Variants in CACNA1C observed in about 807,000 individuals in gnomAD.
CACNA1C encodes calcium voltage-gated channel subunit alpha1 C.
In CACNA1C, 30 loss-of-function variants were observed where a neutral mutation model predicts 229.0. That is an observed-to-expected ratio of 0.13 (90% CI 0.10 to 0.18). The LOEUF is 0.18. CACNA1C is among the 10% of genes least tolerant of loss of function. The pLI, the probability that CACNA1C is intolerant of heterozygous loss-of-function variation, is 1.00. For synonymous variants in CACNA1C, 1,114 were observed against 1,132.5 expected (o/e 0.98, Z 0.33); for missense variants, 1,658 against 2,845.0 (o/e 0.58, Z 9.49).
intron 3 of CACNA1C, among the ~76,000 whole-genome samples, chr12:2,205,453 A>G (rs1196397916): frequency 6.6e-6 from 1 of 152,210 alleles, no homozygotes; most frequent in Non-Finnish European, 1.5e-5. Context: ...CTCCTATTCT[A>G]AATCACCTTA....
intron 1 of CACNA1C, among the ~76,000 whole-genome samples, chr12:2,081,464 G>A (rs1189928044): frequency 1.3e-5 from 2 of 152,058 alleles, no homozygotes; most frequent in East Asian, 1.9e-4. Flanking sequence ...CCCGCTACTC[G>A]GGAGGCTGAG....
At chr12:2,182,029 C>T (rs2096855458) in intron 3 of CACNA1C, among the ~76,000 whole-genome samples, 1 of 150,694 alleles carries the variant, frequency 6.6e-6, no homozygotes, top group South Asian at 2.1e-4. Context: ...TTCTCCATCC[C>T]TGAAAGCATT....
chr12:2,105,573 G>A (rs1472700261), intron 1 of CACNA1C, among the ~76,000 whole-genome samples: 3 of 151,658 alleles, frequency 2.0e-5, no homozygotes, highest in Non-Finnish European at 4.4e-5. Context: ...AAACCACTGG[G>A]CGCCCACCCC....
chr12:2,480,897 C>G (rs1045777971), intron 5 of CACNA1C, among the ~76,000 whole-genome samples: 5 of 152,328 alleles, frequency 3.3e-5, no homozygotes, highest in Admixed American at 6.5e-5. Flanking sequence ...TGGAATCTAA[C>G]GTTGGCAATG....
Position 2,605,819 on chromosome 12 carries a change from C to T in CACNA1C, c.3156+33C>T. 1 of 1,370,608 alleles carries T rather than the reference C, an allele frequency of 7.3e-7. No individual in the cohort carries two copies. The highest frequency in any genetic ancestry group is 1.7e-5 in the Admixed American group (1 of 59,616). The allele number at this position is 1,370,608 out of a possible 1,614,324, so 84.9% of individuals were successfully genotyped here. A position where few individuals can be genotyped will look rare whatever the true frequency, so the allele number is the denominator to read the frequency against. ...CTGGGCTCCGTTGTGGTCCTCCTAC[C>T]TCCCCTCCCATCAGCATTCCTGGGG... is the stretch of plus-strand genomic sequence containing the variant. On this transcript the variant is annotated intron_variant, in intron 24 of 46. Transcript: ENST00000399655. The surrounding 1 kb of genome is among the most constrained non-coding windows in gnomAD (Gnocchi z 6.2).
intron 1 of CACNA1C, among the ~76,000 whole-genome samples, chr12:2,101,700 C>T (rs2076477472): frequency 6.6e-6 from 1 of 152,144 alleles, no homozygotes; most frequent in African/African-American, 2.4e-5. Flanking sequence ...CCGCCCAGTT[C>T]AGTGGGTGAC....
intron 45 of CACNA1C, 132 bp downstream of exon 45, chr12:2,686,401 T>C (rs2097493278): frequency 1.3e-6 from 1 of 788,598 alleles, no homozygotes; most frequent in Admixed American, 1.8e-5. Flanking sequence ...GCCCCTGCCC[T>C]AAGAGCCATC....
rs2095841329 is a variant in CACNA1C, at chr12:2,319,134, A to C, written c.478-129842A>C. 6.6e-6 allele frequency among the ~76,000 whole-genome samples: 1 copy of C among 151,544 alleles called. No individual in the cohort carries two copies. Among genetic ancestry groups the C allele is most frequent in the South Asian group, 2.1e-4 (1 of 4,792 alleles). Reference sequence around the variant, plus strand: ...CATCGGCTCCTTTTCCTACCCCATCACCTACCTGTCACCTGTCCTGGGCAG... The same window carrying C: ...CATCGGCTCCTTTTCCTACCCCATCCCCTACCTGTCACCTGTCCTGGGCAG... On this transcript the variant is annotated intron_variant, in intron 3 of 46. Coordinates refer to ENST00000399655, the MANE Select transcript of CACNA1C (RefSeq NM_000719.7). This position sits in a 1 kb window ranked among gnomAD's most constrained non-coding sequence, Gnocchi z 4.0.
upstream of CACNA1C, chr12:2,048,340 C>T (rs2051442688): frequency 6.6e-6 from 1 of 152,200 alleles, no homozygotes; most frequent in South Asian, 2.1e-4. Flanking sequence ...TCAGAAGGCA[C>T]ATTTAAGCTG....
Position 2,654,043 on chromosome 12 carries a change from G to A in CACNA1C, c.4140+143G>A. The A allele has an allele frequency of 1.5e-6, 1 of 680,004 alleles. No individual in the cohort carries two copies. Among genetic ancestry groups the A allele is most frequent in the South Asian group, 1.8e-5 (1 of 54,616 alleles). The allele number at this position is 680,004 out of a possible 1,614,324, so 42.1% of individuals were successfully genotyped here. A position where few individuals can be genotyped will look rare whatever the true frequency, so the allele number is the denominator to read the frequency against. On this transcript the variant is annotated intron_variant, in intron 33 of 46. Coordinates refer to ENST00000399655, the MANE Select transcript of CACNA1C (RefSeq NM_000719.7). The surrounding 1 kb of genome is among the most constrained non-coding windows in gnomAD (Gnocchi z 4.4). ...TCTCCCTCCTCTTCCATTTTCTGAG[G>A]CCCAAAAAGCCACAGGAATTGGAAC... is the stretch of plus-strand genomic sequence containing the variant.
intron 3 of CACNA1C, among the ~76,000 whole-genome samples, chr12:2,141,740 A>G (rs1396066274): frequency 3.3e-5 from 5 of 151,352 alleles, no homozygotes; most frequent in Non-Finnish European, 5.9e-5. Context: ...CTCAGGGGAA[A>G]GGAGCGTGGA....
intron 3 of CACNA1C, among the ~76,000 whole-genome samples, chr12:2,142,164 A>G (rs947271454): frequency 6.6e-6 from 1 of 150,956 alleles, no homozygotes; most frequent in Non-Finnish European, 1.5e-5. Context: ...TACACACGTC[A>G]CCTCCCACCA....
intron 3 of CACNA1C, among the ~76,000 whole-genome samples, chr12:2,399,248 T>C (rs1367252483): frequency 6.6e-6 from 1 of 152,150 alleles, no homozygotes; most frequent in African/African-American, 2.4e-5. Flanking sequence ...CAAACAGTGC[T>C]CCTTTAGTAT....
chr12:1,997,222 CA>C (rs2041142673), intron 1 of CACNA1C, among the ~76,000 whole-genome samples: 2 of 152,102 alleles, frequency 1.3e-5, no homozygotes, highest in Admixed American at 6.5e-5. Context: ...TTTAAAGAGT[CA>C]GGGGTGGGAG....
Position 1,971,527 on chromosome 12 carries a change from C to T in CACNA1C, c.139+326C>T, listed in dbSNP as rs907637837. 5.3e-5 allele frequency among the ~76,000 whole-genome samples: 8 copies of T among 152,174 alleles called. No individual in the cohort carries two copies. The highest frequency in any genetic ancestry group is 1.2e-4 in the Non-Finnish European group (8 of 68,032). ...AAGGAGATCAAAATTTCCATATAGACTTCATGTCTGGATTTTTTAGGTCCA... is the reference window on the plus strand; with the variant it reads ...AAGGAGATCAAAATTTCCATATAGATTTCATGTCTGGATTTTTTAGGTCCA... On this transcript the variant is annotated intron_variant, in intron 1 of 46. Coordinates refer to the CACNA1C transcript ENST00000682462. This position sits in a 1 kb window ranked among gnomAD's most constrained non-coding sequence, Gnocchi z 4.2.
intron 3 of CACNA1C, among the ~76,000 whole-genome samples, chr12:2,146,923 G>C (rs774372944): frequency 8.6e-5 from 13 of 151,140 alleles, no homozygotes; most frequent in Non-Finnish European, 1.8e-4. Flanking sequence ...GCTGAGTTAG[G>C]GGAAGCAGGG....
At chr12:2,311,362 C>G (rs2095428360) in intron 3 of CACNA1C, among the ~76,000 whole-genome samples, 1 of 152,114 alleles carries the variant, frequency 6.6e-6, no homozygotes, top group East Asian at 1.9e-4. Context: ...TTAAAGCAGC[C>G]CTGTATTCTC....
At chr12:2,240,887 T>C (rs1458324265) in intron 3 of CACNA1C, among the ~76,000 whole-genome samples, 3 of 151,080 alleles carry the variant, frequency 2.0e-5, no homozygotes, top group African/African-American at 7.3e-5. Context: ...AGGGTGAGAG[T>C]CCCCTCTCTA....
intron 3 of CACNA1C, among the ~76,000 whole-genome samples, chr12:2,326,710 A>C (rs1451463353): frequency 6.6e-6 from 1 of 152,214 alleles, no homozygotes. Context: ...CCCTGTTCTC[A>C]AGGCCTGGCT....
Sources: allele counts gnomAD v4.1 joint callset (sites outside exome capture counted in the v4.1 genomes callset), GRCh38; gene constraint gnomAD v4.1.1; non-coding constraint Gnocchi (gnomAD v3.1); transcripts MANE v1.5; gene names NCBI Gene and HGNC (gene_info 2026-07-23, HGNC 2026-07-21).